The following RGS20 variants were observed in gnomAD, a reference collection of about 807,000 sequenced individuals.
RGS20 encodes the protein regulator of G protein signaling 20, also known as gz-selective GTPase-activating protein.
Under a neutral mutation model 33.6 loss-of-function variants are expected in RGS20, and 30 were observed. That is an observed-to-expected ratio of 0.89 (90% CI 0.67 to 1.21). The LOEUF (loss-of-function observed/expected upper bound fraction) is 1.21, where lower values mean the gene tolerates loss of function less well. Ranked by LOEUF, RGS20 falls within the 50% of genes most tolerant of loss-of-function variation. RGS20 has a pLI of 0.00. For synonymous variants in RGS20, 208 were observed against 197.9 expected, an observed-to-expected ratio of 1.05 and a Z score of -0.43; for missense variants, 472 against 502.4, an observed-to-expected ratio of 0.94 and a Z score of 0.58.
chr8:53,914,431 A>G (rs948794012), intron 2 of RGS20, among the ~76,000 whole-genome samples: 8 of 151,870 alleles, frequency 5.3e-5, no homozygotes, highest in African/African-American at 1.9e-4. Flanking sequence ...TCCCTTACAG[A>G]TCTCCCTTCA....
intron 2 of RGS20, among the ~76,000 whole-genome samples, chr8:53,926,775 G>A (rs1217429961): frequency 6.6e-6 from 1 of 151,974 alleles, no homozygotes; most frequent in Non-Finnish European, 1.5e-5. Context: ...AGCCAGGTGT[G>A]GTGGTGGGCG....
intron 3 of RGS20, among the ~76,000 whole-genome samples, chr8:53,942,555 C>T (rs557679338): frequency 6.6e-6 from 1 of 152,042 alleles, no homozygotes; most frequent in Admixed American, 6.5e-5. Flanking sequence ...AGAAGATTCA[C>T]TACAGCATTC....
intron 2 of RGS20, among the ~76,000 whole-genome samples, chr8:53,937,776 T>A (rs562796639): frequency 1.3e-5 from 2 of 152,066 alleles, no homozygotes; most frequent in Non-Finnish European, 2.9e-5. Context: ...AAAAGACACA[T>A]GAAAAAAAGC....
At chr8:53,855,935 A>C (rs1295897503) in intron 1 of RGS20, among the ~76,000 whole-genome samples, 1 of 152,146 alleles carries the variant, frequency 6.6e-6, no homozygotes, top group Non-Finnish European at 1.5e-5. Context: ...GTTTAGATAT[A>C]CTATTGGTTG....
At chr8:53,932,649 C>G (rs1814005790) in intron 2 of RGS20, among the ~76,000 whole-genome samples, 1 of 152,200 alleles carries the variant, frequency 6.6e-6, no homozygotes, top group African/African-American at 2.4e-5. Flanking sequence ...ATAGATAAAA[C>G]TCTCATCTCC....
intron 1 of RGS20, chr8:53,879,110 C>A: frequency 1.5e-6 from 1 of 669,234 alleles, no homozygotes; most frequent in South Asian, 1.8e-5. Context: ...GGGAAAGAAT[C>A]TAACTATAGG....
chr8:53,875,581 T>C (rs1585874383), intron 1 of RGS20, among the ~76,000 whole-genome samples: 1 of 152,180 alleles, frequency 6.6e-6, no homozygotes, highest in East Asian at 1.9e-4. Flanking sequence ...CCTTTGAGTG[T>C]TTCCCTTCTC....
At chr8:53,928,281 A>G (rs747779477) in intron 2 of RGS20, among the ~76,000 whole-genome samples, 1 of 152,142 alleles carries the variant, frequency 6.6e-6, no homozygotes, top group Non-Finnish European at 1.5e-5. Flanking sequence ...ACAGACATTT[A>G]TGGTATAAAT....
intron 2 of RGS20, chr8:53,879,633 AC>A (rs1243390526): frequency 7.0e-7 from 1 of 1,418,580 alleles, no homozygotes; most frequent in African/African-American, 1.5e-5. Flanking sequence ...TACGCCCCAC[AC>A]CCAGCCTCCC....
chr8:53,876,828 C>T (rs975358653), intron 1 of RGS20, among the ~76,000 whole-genome samples: 12 of 152,174 alleles, frequency 7.9e-5, no homozygotes, highest in Non-Finnish European at 1.2e-4. Flanking sequence ...AGCAAAGGAG[C>T]CGAGTCTTGT....
intron 4 of RGS20, among the ~76,000 whole-genome samples, chr8:53,950,464 A>T (rs1814678135): frequency 6.6e-6 from 1 of 152,166 alleles, no homozygotes; most frequent in African/African-American, 2.4e-5. Flanking sequence ...AATTATTCCA[A>T]TGAGCATTTC....
chr8:53,900,861 A>G (rs1290956140), intron 2 of RGS20, among the ~76,000 whole-genome samples: 1 of 152,130 alleles, frequency 6.6e-6, no homozygotes, highest in Admixed American at 6.5e-5. Flanking sequence ...GCTGTGGGCC[A>G]GAAGGTCAGC....
intron 1 of RGS20, among the ~76,000 whole-genome samples, chr8:53,867,139 T>C (rs372706934): frequency 1.3e-5 from 2 of 152,138 alleles, no homozygotes; most frequent in South Asian, 4.2e-4. Flanking sequence ...CTCTGTGCTT[T>C]AGCCAACTGT....
At chr8:53,936,385 A>C (rs1213082452) in intron 2 of RGS20, among the ~76,000 whole-genome samples, 1 of 152,244 alleles carries the variant, frequency 6.6e-6, no homozygotes, top group Non-Finnish European at 1.5e-5. Flanking sequence ...TAAGCTGATA[A>C]GCAACTTCAG....
chr8:53,955,613 T>C (rs1814843966), intron 5 of RGS20, among the ~76,000 whole-genome samples: 2 of 152,238 alleles, frequency 1.3e-5, no homozygotes, highest in African/African-American at 4.8e-5. Flanking sequence ...GTGGATCACC[T>C]GAGGTCAGGA....
At chr8:53,871,616 CA>C (rs758318571) in intron 1 of RGS20, among the ~76,000 whole-genome samples, 16 of 139,894 alleles carry the variant, frequency 1.1e-4, no homozygotes, top group Admixed American at 4.1e-4. Flanking sequence ...GAGTCCATCT[CA>C]AAAAAAAAAT....
At chr8:53,928,690 G>T (rs1164429230) in intron 2 of RGS20, among the ~76,000 whole-genome samples, 1 of 152,014 alleles carries the variant, frequency 6.6e-6, no homozygotes, top group African/African-American at 2.4e-5. Context: ...GGGCGTGGTG[G>T]TGCATGCCTG....
intron 2 of RGS20, among the ~76,000 whole-genome samples, chr8:53,895,792 C>T (rs1000017943): frequency 2.0e-5 from 3 of 151,676 alleles, no homozygotes; most frequent in African/African-American, 7.3e-5. Flanking sequence ...CTACAGGCAC[C>T]CGGAACCATG....
intron 1 of RGS20, among the ~76,000 whole-genome samples, chr8:53,860,693 C>T (rs963848301): frequency 6.6e-6 from 1 of 152,188 alleles, no homozygotes; most frequent in Non-Finnish European, 1.5e-5. Context: ...CTGCTGAGCG[C>T]AGTGGGTCAC....
Sources: gnomAD v4.1 joint callset for allele counts (sites outside exome capture counted in the v4.1 genomes callset) on GRCh38, gnomAD v4.1.1 for gene constraint, MANE v1.5 for transcripts, NCBI Gene and HGNC (gene_info 2026-07-23, HGNC 2026-07-21) for gene names.